Variants in USP6 observed in about 807,000 individuals in gnomAD.
USP6 encodes ubiquitin specific peptidase 6.
USP6 carries 128 observed loss-of-function variants against 175.7 expected under a neutral mutation model. That is an observed-to-expected ratio of 0.73 (90% CI 0.63 to 0.84). The LOEUF (loss-of-function observed/expected upper bound fraction) is 0.84. Among genes scored for constraint, USP6 ranks in the 40% least tolerant of loss-of-function variants. USP6 has a pLI of 0.00. For missense variants in USP6, 1,498 were observed against 1,760.3 expected (o/e 0.85, Z 2.67); for synonymous variants, 562 against 630.6 (o/e 0.89, Z 1.63).
At chr17:5,150,303 T>TAAA (rs1387913996) in intron 30 of USP6, among the ~76,000 whole-genome samples, 22 of 134,346 alleles carry the variant, frequency 1.6e-4, no homozygotes, top group Admixed American at 5.5e-4. Context: ...AAAAAATAAA[T>TAAA]AAATAAATAA....
chr17:5,134,021 C>G, intron 15 of USP6, 25 bp downstream of exon 15: 1 of 1,605,934 alleles, frequency 6.2e-7, no homozygotes. Context: ...GCCACACAGT[C>G]CCAGCAGAGA....
intron 33 of USP6, 56 bp downstream of exon 33, chr17:5,163,060 G>C: frequency 6.7e-7 from 1 of 1,501,352 alleles, no homozygotes; most frequent in Non-Finnish European, 8.8e-7. Flanking sequence ...ATTTCCCCCA[G>C]TGTAACTATT....
chr17:5,163,104 A>G (rs765040849), intron 33 of USP6, 100 bp downstream of exon 33: 6 of 1,458,372 alleles, frequency 4.1e-6, no homozygotes, highest in Non-Finnish European at 5.4e-6. Flanking sequence ...AAAAACAACC[A>G]GAAAAACCTT....
At chr17:5,120,902 A>G (rs371376181) in intron 3 of USP6, 114 bp downstream of exon 3, 2 of 454,468 alleles carry the variant, frequency 4.4e-6, no homozygotes, top group South Asian at 3.1e-5. Context: ...GACTTTGGAA[A>G]CCAGTTGGAC....
At chr17:5,127,429 T>C (rs2143797931) in intron 6 of USP6, 75 bp from the exon 7 acceptor site, 1 of 152,388 alleles carries the variant, frequency 6.6e-6, no homozygotes, top group African/African-American at 2.4e-5. Context: ...ACTATTCTCA[T>C]ACTGGTGCAA....
chr17:5,145,517 A>G lies in USP6; in HGVS notation c.2105A>G (p.Asp702Gly), dbSNP rs752678962. The change falls in exon 27 of 38, where the codon GAC (aspartate) becomes GGC (glycine). Residue 702 changes from aspartate (D) to glycine (G), a missense_variant. Around this residue, in one of 2 missense-constraint regions of USP6, gnomAD observed 1,217 missense variants for 1,500.8 expected, o/e 0.81. Coordinates refer to ENST00000574788, the MANE Select transcript of USP6 (RefSeq NM_001304284.2). ...KTCGHISVRF[D>G]PFNFLSLPLP... ...TGTGGGCATATAAGTGTCCGATTTGACCCTTTCAATTTTTTGTCTTTGCCA... is the reference window on the plus strand; with the variant it reads ...TGTGGGCATATAAGTGTCCGATTTGGCCCTTTCAATTTTTTGTCTTTGCCA... 4.4e-5 allele frequency: 71 copies of G among 1,611,776 alleles called. No individual in the cohort carries two copies. The South Asian group carries it at 7.7e-4, about 18-fold the overall frequency.
Position 5,132,882 on chromosome 17 carries a change from A to T in USP6, c.196-28A>T. 1 of 1,613,856 alleles carries T rather than the reference A, an allele frequency of 6.2e-7. No homozygotes were observed. Among genetic ancestry groups the T allele is most frequent in the Non-Finnish European group, 8.5e-7 (1 of 1,179,742 alleles). Reference sequence around the variant, plus strand: ...CGGCTCTGGGAAGCCTGGCAGCTCCACTAACTCCAACATGCCTCATTTGAC... The same window carrying T: ...CGGCTCTGGGAAGCCTGGCAGCTCCTCTAACTCCAACATGCCTCATTTGAC... On this transcript the variant is annotated intron_variant, in intron 12 of 37. Transcript: ENST00000574788. The surrounding 1 kb of genome is among the most constrained non-coding windows in gnomAD (Gnocchi z 4.7).
intron 22 of USP6, 51 bp downstream of exon 22, chr17:5,139,725 G>A (rs746664118): frequency 1.1e-5 from 17 of 1,598,350 alleles, no homozygotes; most frequent in East Asian, 6.7e-5. Context: ...TGGACTTCCC[G>A]GCCCTGCAGT....
chr17:5,130,460 TGGAG>T (rs1426568516), intron 10 of USP6, 21 bp downstream of exon 10: 3 of 1,613,978 alleles, frequency 1.9e-6, no homozygotes, highest in African/African-American at 1.3e-5. Flanking sequence ...GTCTGCTCCT[TGGAG>T]GGAGGCCTCT....
At chr17:5,139,891 G>A (rs7502608) in intron 22 of USP6, among the ~76,000 whole-genome samples, 19,214 of 152,076 alleles carry the variant, frequency 0.13, 1,384 homozygotes, top group African/African-American at 0.17. Context: ...GCTCATGGCT[G>A]GATAATTTCC....
intron 31 of USP6, among the ~76,000 whole-genome samples, chr17:5,158,115 A>G (rs1204391034): frequency 6.6e-6 from 1 of 152,242 alleles, no homozygotes; most frequent in Non-Finnish European, 1.5e-5. Context: ...CATAGATGTC[A>G]TCAACAAATA....
chr17:5,144,777 C>CATGA lies in USP6; in HGVS notation c.1908_1911dup (p.Asp638Ter), dbSNP rs745331101. Reference sequence around the variant, plus strand: ...TCTGGCTTTTCTCTTGGATGGTCTTCATGAAGATCTCAACCGAGTCCATGA... The same window carrying CATGA: ...TCTGGCTTTTCTCTTGGATGGTCTTCATGAATGAAGATCTCAACCGAGTCCATGA... On this transcript the variant is annotated frameshift_variant, in exon 26 of 38. Transcript: ENST00000574788. LOFTEE classifies it high-confidence loss of function. 9.3e-6 allele frequency: 15 copies of CATGA among 1,613,720 alleles called. No homozygotes were observed. In the African/African-American group the frequency reaches 2.0e-4, roughly 22 times the overall value.
chr17:5,150,498 CTTT>C (rs780429877), intron 30 of USP6, among the ~76,000 whole-genome samples: 2 of 137,302 alleles, frequency 1.5e-5, no homozygotes, highest in African/African-American at 2.7e-5. Context: ...AGAAATATAT[CTTT>C]TTTTTTTTTT....
chr17:5,148,068 G>A lies in USP6; in HGVS notation c.2432-488G>A, dbSNP rs376449122. On this transcript the variant is annotated intron_variant, in intron 29 of 37. Transcript: ENST00000574788. ...GCTATGGTGTATCTTTTGTAGAGAT[G>A]GGTTTTCACCATGTTGCCTAGGCTG... Among the ~76,000 whole-genome samples the A allele has an allele frequency of 5.3e-5, 8 of 152,034 alleles. No individual in the cohort carries two copies. The East Asian group carries it at 7.7e-4, about 15-fold the overall frequency.
At chr17:5,137,778 TG>T in intron 20 of USP6, 28 bp downstream of exon 20, 2 of 1,604,020 alleles carry the variant, frequency 1.2e-6, no homozygotes. Context: ...CAGTGGGGCC[TG>T]GGGAGCCCTG....
chr17:5,123,521 GGCAGT>G (rs2072777519), intron 4 of USP6, among the ~76,000 whole-genome samples: 1 of 152,148 alleles, frequency 6.6e-6, no homozygotes, highest in African/African-American at 2.4e-5. Context: ...GGGCTGCCCA[GGCAGT>G]GCAGAGCGGA....
chr17:5,155,543 T>G lies in USP6; in HGVS notation c.2765T>G (p.Ile922Ser). The change falls in exon 31 of 38, where the codon ATT (isoleucine) becomes AGT (serine). Residue 922 changes from isoleucine (I) to serine (S), a missense_variant. Ile to Ser is a moderately radical substitution (Grantham distance 142, BLOSUM62 -2). Transcript: ENST00000574788. Reference sequence around the variant, plus strand: ...AAAGACCTATATGATGCGGTTTGGATTCAAGTATCCTGGTTAGCAAGACCA... The same window carrying G: ...AAAGACCTATATGATGCGGTTTGGAGTCAAGTATCCTGGTTAGCAAGACCA... ...RKKDLYDAVW[I>S]QVSWLARPLP... is the part of the protein sequence containing the mutation. 1 of 1,613,966 alleles carries G rather than the reference T, an allele frequency of 6.2e-7. No individual in the cohort carries two copies. The highest frequency in any genetic ancestry group is 2.2e-5 in the East Asian group (1 of 44,884).
In USP6 at chr17:5,144,707, T is replaced by C; in HGVS notation, c.1836T>C (p.Tyr612=). Residue 612 remains tyrosine, a synonymous_variant, in exon 26 of 38, where the codon TAT becomes TAC. Coordinates refer to ENST00000574788, the MANE Select transcript of USP6 (RefSeq NM_001304284.2). ...ATTTATAGCGGACCATAGCAAAATA[T>C]GCTCCCAAGTTTGATGGGTTTCAGC... is the stretch of plus-strand genomic sequence containing the variant. The part of the protein sequence containing the change: ...PLKLRRTIAK[Y]APKFDGFQQQ... 1 of 1,613,596 alleles carries C rather than the reference T, an allele frequency of 6.2e-7. No individual in the cohort carries two copies. Among genetic ancestry groups the C allele is most frequent in the Non-Finnish European group, 8.5e-7 (1 of 1,179,802 alleles).
intron 33 of USP6, among the ~76,000 whole-genome samples, chr17:5,164,910 A>G (rs1377984892): frequency 6.6e-6 from 1 of 152,246 alleles, no homozygotes; most frequent in Non-Finnish European, 1.5e-5. Flanking sequence ...AAATATCATC[A>G]TAGCATTTTT....
Sources: allele counts gnomAD v4.1 joint callset (sites outside exome capture counted in the v4.1 genomes callset), GRCh38; gene constraint gnomAD v4.1.1; regional missense constraint gnomAD v4.1.1; non-coding constraint Gnocchi (gnomAD v3.1); transcripts MANE v1.5; gene names NCBI Gene and HGNC (gene_info 2026-07-23, HGNC 2026-07-21).